DPH6: variants seen among roughly 807,000 people sequenced by gnomAD.
The protein encoded by DPH6 is diphthamine biosynthesis 6.
In DPH6, 33 loss-of-function variants were observed where a neutral mutation model predicts 38.2. That is an observed-to-expected ratio of 0.86 (90% CI 0.65 to 1.15). DPH6 has a LOEUF of 1.15. Among genes scored for constraint, DPH6 ranks in the 50% most tolerant of loss-of-function variants. The pLI is 0.00. For synonymous variants in DPH6, 108 were observed against 103.0 expected, an observed-to-expected ratio of 1.05 and a Z score of -0.30; for missense variants, 325 against 320.0, an observed-to-expected ratio of 1.02 and a Z score of -0.12.
At chr15:35,241,776 G>A (rs1367720755) in intron 3 of DPH6, among the ~76,000 whole-genome samples, 1 of 142,834 alleles carries the variant, frequency 7.0e-6, no homozygotes, top group African/African-American at 2.5e-5. Flanking sequence ...TCATCCCACA[G>A]CATGCTTTGA....
chr15:35,517,093 G>A (rs1264389338), intron 3 of DPH6, among the ~76,000 whole-genome samples: 1 of 151,608 alleles, frequency 6.6e-6, no homozygotes, highest in East Asian at 1.9e-4. Context: ...TTTTTTTCAG[G>A]TTTAATCTGT....
At chr15:35,447,713 G>A (rs1036833871) in intron 5 of DPH6, among the ~76,000 whole-genome samples, 5 of 152,034 alleles carry the variant, frequency 3.3e-5, no homozygotes, top group African/African-American at 1.2e-4. Flanking sequence ...GTAATGTATT[G>A]ATATTGTGTT....
At chr15:35,235,493 A>G (rs1314479282) in intron 3 of DPH6, among the ~76,000 whole-genome samples, 1 of 152,236 alleles carries the variant, frequency 6.6e-6, no homozygotes, top group African/African-American at 2.4e-5. Flanking sequence ...CAGAGAATAA[A>G]TGCTCTATTC....
At chr15:35,365,008 T>C (rs2052644862) in intron 3 of DPH6, among the ~76,000 whole-genome samples, 1 of 152,114 alleles carries the variant, frequency 6.6e-6, no homozygotes, top group African/African-American at 2.4e-5. Flanking sequence ...TCTGACCTCT[T>C]TTCCAGTTCA....
intron 3 of DPH6, among the ~76,000 whole-genome samples, chr15:35,360,963 G>A (rs2052609273): frequency 6.6e-6 from 1 of 152,174 alleles, no homozygotes; most frequent in African/African-American, 2.4e-5. Context: ...CAGCAAAGCA[G>A]GGCTGTAGCT....
intron 3 of DPH6, among the ~76,000 whole-genome samples, chr15:35,322,161 G>A (rs996669629): frequency 1.3e-5 from 2 of 152,166 alleles, no homozygotes; most frequent in Non-Finnish European, 2.9e-5. Context: ...ACATAGTGAT[G>A]TTATTTATAG....
intron 3 of DPH6, among the ~76,000 whole-genome samples, chr15:35,457,386 T>C (rs1250177826): frequency 6.6e-6 from 1 of 152,092 alleles, no homozygotes; most frequent in Non-Finnish European, 1.5e-5. Context: ...TGAGGCCTCC[T>C]GGGTTCAAGT....
chr15:35,247,603 AG>A (rs1375890902), intron 3 of DPH6, among the ~76,000 whole-genome samples: 6 of 152,220 alleles, frequency 3.9e-5, no homozygotes, highest in African/African-American at 9.6e-5. Flanking sequence ...ACCTGCTTTC[AG>A]TTGGGAGAAG....
intron 3 of DPH6, among the ~76,000 whole-genome samples, chr15:35,482,641 A>G (rs1482862218): frequency 6.6e-6 from 1 of 152,220 alleles, no homozygotes; most frequent in African/African-American, 2.4e-5. Flanking sequence ...ACAAAAGTAT[A>G]GATACAACTG....
At chr15:35,254,733 C>T (rs992787476) in intron 3 of DPH6, among the ~76,000 whole-genome samples, 1 of 152,102 alleles carries the variant, frequency 6.6e-6, no homozygotes, top group African/African-American at 2.4e-5. Context: ...CTGTTTATTT[C>T]ACCTGGGTGC....
chr15:35,436,093 G>A, intron 5 of DPH6, among the ~76,000 whole-genome samples: 1 of 152,054 alleles, frequency 6.6e-6, no homozygotes, highest in Non-Finnish European at 1.5e-5. Context: ...ACGTCCAGCT[G>A]AGCAGCATAC....
At position 35,268,183 on chromosome 15, in the gene DPH6, AT is replaced by A. The variant is rs1480938779; in HGVS notation, n.201-47602del. Among the ~76,000 whole-genome samples the A allele has an allele frequency of 2.4e-3, 191 of 80,378 alleles. 1 individual carries two copies. The highest frequency in any genetic ancestry group is 5.1e-3 in the Admixed American group (41 of 7,974). 52.7% of individuals were successfully genotyped at this position (80,378 alleles called of 152,430 possible). Reference sequence around the variant, plus strand: ...AGACTCTGTCTCAAAAAATAAATAAATAAATAAATAAATAAATAAATAAATA... The same window carrying A: ...AGACTCTGTCTCAAAAAATAAATAAAAAATAAATAAATAAATAAATAAATA... On this transcript the variant is annotated intron_variant and non_coding_transcript_variant, in intron 3 of 3. Coordinates refer to the DPH6 transcript ENST00000560386.
intron 5 of DPH6, among the ~76,000 whole-genome samples, chr15:35,422,687 C>T (rs1161403291): frequency 6.6e-6 from 1 of 151,860 alleles, no homozygotes; most frequent in Non-Finnish European, 1.5e-5. Context: ...TCTTGCATAA[C>T]TAACTCTGTA....
chr15:35,399,784 C>G (rs780027138), intron 6 of DPH6, among the ~76,000 whole-genome samples: 5 of 152,182 alleles, frequency 3.3e-5, no homozygotes, highest in Non-Finnish European at 7.3e-5. Context: ...AATTCTATGA[C>G]CAGTTACAGA....
At chr15:35,376,745 T>A (rs1265653995) in intron 7 of DPH6, among the ~76,000 whole-genome samples, 1 of 152,174 alleles carries the variant, frequency 6.6e-6, no homozygotes, top group Non-Finnish European at 1.5e-5. Flanking sequence ...TTTAGATATA[T>A]GAATATTTAC....
At chr15:35,254,958 TG>T (rs2051697913) in intron 3 of DPH6, among the ~76,000 whole-genome samples, 1 of 152,018 alleles carries the variant, frequency 6.6e-6, no homozygotes, top group South Asian at 2.1e-4. Context: ...TCAGTTAGGG[TG>T]GGGCAGGAAC....
chr15:35,293,894 G>A (rs2051996574), intron 3 of DPH6, among the ~76,000 whole-genome samples: 2 of 152,160 alleles, frequency 1.3e-5, no homozygotes, highest in South Asian at 4.1e-4. Flanking sequence ...CTGCATCATT[G>A]TCTTATTTAT....
chr15:35,492,504 A>G (rs1207726107), intron 3 of DPH6, among the ~76,000 whole-genome samples: 5 of 152,184 alleles, frequency 3.3e-5, no homozygotes. Context: ...ATTGGTAATA[A>G]TAATCTATAG....
intron 6 of DPH6, among the ~76,000 whole-genome samples, chr15:35,408,062 G>A (rs1363853294): frequency 6.6e-6 from 1 of 151,980 alleles, no homozygotes; most frequent in Non-Finnish European, 1.5e-5. Context: ...CCAGACAAGA[G>A]GTGATTATGG....
Sources: gnomAD v4.1 joint callset for allele counts (sites outside exome capture counted in the v4.1 genomes callset) on GRCh38, gnomAD v4.1.1 for gene constraint, MANE v1.5 for transcripts, NCBI Gene and HGNC (gene_info 2026-07-23, HGNC 2026-07-21) for gene names.